Variants in PLCB1 observed in about 807,000 individuals in gnomAD.
PLCB1 encodes the protein 1-phosphatidylinositol 4,5-bisphosphate phosphodiesterase beta-1.
PLCB1 carries 46 observed loss-of-function variants against 161.8 expected under a neutral mutation model. The ratio of observed to expected loss-of-function variants is 0.28; its 90% CI spans 0.22 to 0.36. The LOEUF (loss-of-function observed/expected upper bound fraction) is 0.36, where lower values mean the gene tolerates loss of function less well. Among genes scored for constraint, PLCB1 ranks in the 10% least tolerant of loss-of-function variants. The probability of loss-of-function intolerance (pLI) is 1.00; values close to 1 mark genes in which losing one functional copy is unlikely to be tolerated. For synonymous variants in PLCB1, 517 were observed against 503.7 expected (o/e 1.03, Z -0.35); for missense variants, 1,016 against 1,472.5 (o/e 0.69, Z 5.07).
intron 1 of PLCB1, among the ~76,000 whole-genome samples, chr20:8,147,755 A>G (rs1239097316): frequency 1.3e-5 from 2 of 152,202 alleles, no homozygotes; most frequent in Non-Finnish European, 2.9e-5. Flanking sequence ...GGGGTCAAGA[A>G]AACATTGAAC....
intron 3 of PLCB1, among the ~76,000 whole-genome samples, chr20:8,507,830 A>G (rs956955466): frequency 2.0e-5 from 3 of 152,354 alleles, no homozygotes; most frequent in African/African-American, 7.2e-5. Context: ...AATACAAAAA[A>G]TGGAATAAGA....
At chr20:8,515,492 A>G (rs1020863529) in intron 3 of PLCB1, among the ~76,000 whole-genome samples, 1 of 152,124 alleles carries the variant, frequency 6.6e-6, no homozygotes, top group Non-Finnish European at 1.5e-5. Flanking sequence ...GCTTTCCTAT[A>G]TCCCATACAA....
At chr20:8,438,860 C>T (rs764020064) in intron 3 of PLCB1, among the ~76,000 whole-genome samples, 4 of 152,310 alleles carry the variant, frequency 2.6e-5, no homozygotes, top group Admixed American at 6.5e-5. Flanking sequence ...GGCCCCAAGA[C>T]GATGCAAGGC....
chr20:8,789,436 A>G, intron 29 of PLCB1, 82 bp from the exon 30 acceptor site: 1 of 881,660 alleles, frequency 1.1e-6, no homozygotes, highest in Admixed American at 1.8e-5. Flanking sequence ...GAGTTCTGTA[A>G]CCTTTTATCT....
At chr20:8,564,709 T>C (rs966396674) in intron 3 of PLCB1, among the ~76,000 whole-genome samples, 11 of 152,182 alleles carry the variant, frequency 7.2e-5, no homozygotes, top group Admixed American at 1.3e-4. Flanking sequence ...AGAAGACATT[T>C]ATGCAGCCAA....
chr20:8,662,427 T>G (rs1989695906), intron 9 of PLCB1, among the ~76,000 whole-genome samples: 1 of 124,094 alleles, frequency 8.1e-6, no homozygotes, highest in Admixed American at 9.6e-5. Context: ...TATAATTATT[T>G]ATTATATAAT....
intron 2 of PLCB1, among the ~76,000 whole-genome samples, chr20:8,368,119 A>T (rs941143694): frequency 6.6e-6 from 1 of 152,326 alleles, no homozygotes; most frequent in Admixed American, 6.5e-5. Context: ...AGTCTATATA[A>T]TGATGCCTGC....
chr20:8,394,370 C>T (rs1482958328), intron 3 of PLCB1, among the ~76,000 whole-genome samples: 1 of 152,090 alleles, frequency 6.6e-6, no homozygotes, highest in Non-Finnish European at 1.5e-5. Flanking sequence ...TTTTAATAGT[C>T]ATAGTTTCTT....
At chr20:8,134,570 C>T (rs953320626) in intron 1 of PLCB1, among the ~76,000 whole-genome samples, 2 of 152,138 alleles carry the variant, frequency 1.3e-5, no homozygotes, top group Non-Finnish European at 2.9e-5. Flanking sequence ...ATTTCTTGCT[C>T]ACCTATTACT....
intron 2 of PLCB1, among the ~76,000 whole-genome samples, chr20:8,182,314 C>A (rs1395773050): frequency 6.6e-6 from 1 of 152,256 alleles, no homozygotes; most frequent in African/African-American, 2.4e-5. Flanking sequence ...TATTTCCTCA[C>A]CCTTTAAAAC....
intron 2 of PLCB1, among the ~76,000 whole-genome samples, chr20:8,365,836 C>T (rs566547835): frequency 6.6e-6 from 1 of 152,234 alleles, no homozygotes; most frequent in East Asian, 1.9e-4. Flanking sequence ...ACTGTAATTG[C>T]TGTTCTGATT....
intron 3 of PLCB1, among the ~76,000 whole-genome samples, chr20:8,565,616 T>C (rs73595506): frequency 0.012 from 1,867 of 152,078 alleles, 45 homozygotes; most frequent in African/African-American, 0.042. Flanking sequence ...GGTATATCTG[T>C]TTAACCAACA....
intron 31 of PLCB1, among the ~76,000 whole-genome samples, 166 bp from the exon 32 acceptor site, chr20:8,881,456 G>A (rs1300335174): frequency 1.3e-5 from 2 of 152,006 alleles, no homozygotes; most frequent in African/African-American, 4.8e-5. Flanking sequence ...CAAATGATGT[G>A]TCCAACTAAA....
At chr20:8,701,533 T>C (rs2123436679) in intron 11 of PLCB1, among the ~76,000 whole-genome samples, 1 of 152,282 alleles carries the variant, frequency 6.6e-6, no homozygotes, top group South Asian at 2.1e-4. Flanking sequence ...CCCCACTTTT[T>C]AGTAATGTAT....
chr20:8,523,490 C>CATATATATATATATATATATA (rs1206489907), intron 3 of PLCB1, among the ~76,000 whole-genome samples: 1 of 67,720 alleles, frequency 1.5e-5, no homozygotes, highest in Non-Finnish European at 3.0e-5. Context: ...CTCTCTCTCT[C>CATATATATATATATATATATA]TCTCTCTATA....
chr20:8,242,186 C>G (rs946646139), intron 2 of PLCB1, among the ~76,000 whole-genome samples: 1 of 151,676 alleles, frequency 6.6e-6, no homozygotes, highest in African/African-American at 2.4e-5. Flanking sequence ...TTTTTTTTCT[C>G]TCTGCAGAAT....
chr20:8,495,717 C>A (rs2122791684), intron 3 of PLCB1, among the ~76,000 whole-genome samples: 1 of 152,162 alleles, frequency 6.6e-6, no homozygotes, highest in African/African-American at 2.4e-5. Context: ...CCTTACTTAA[C>A]CAATCATGCC....
intron 2 of PLCB1, among the ~76,000 whole-genome samples, chr20:8,176,330 T>G (rs1211621721): frequency 6.6e-6 from 1 of 152,198 alleles, no homozygotes; most frequent in South Asian, 2.1e-4. Flanking sequence ...AATGAACTAT[T>G]GGTGTACTTA....
At chr20:8,679,228 CAA>C (rs1351271815) in intron 9 of PLCB1, among the ~76,000 whole-genome samples, 1 of 152,188 alleles carries the variant, frequency 6.6e-6, no homozygotes, top group Non-Finnish European at 1.5e-5. Context: ...GTACCTGAAA[CAA>C]GAGAGTCAAC....
Sources: gnomAD v4.1 joint callset for allele counts (sites outside exome capture counted in the v4.1 genomes callset) on GRCh38, gnomAD v4.1.1 for gene constraint, MANE v1.5 for transcripts, NCBI Gene and HGNC (gene_info 2026-07-23, HGNC 2026-07-21) for gene names.